The following STX17 variants were observed in gnomAD, a reference collection of about 807,000 sequenced individuals.
The protein encoded by STX17 is syntaxin-17.
In STX17, 29 loss-of-function variants were observed where a neutral mutation model predicts 35.9. The observed-to-expected ratio is 0.81, with a 90% CI of 0.60 to 1.10. STX17 has a LOEUF of 1.10. STX17 is among the 50% of genes least tolerant of loss of function. STX17 has a pLI of 0.00. For synonymous variants in STX17, 92 were observed against 118.3 expected (o/e 0.78, Z 1.44); for missense variants, 312 against 352.3 (o/e 0.89, Z 0.92).
At chr9:99,947,420 GT>G (rs567442153) in intron 3 of STX17, among the ~76,000 whole-genome samples, 1 of 152,034 alleles carries the variant, frequency 6.6e-6, no homozygotes, top group Non-Finnish European at 1.5e-5. Flanking sequence ...GGATGTTTCT[GT>G]TGCCTGTTGT....
chr9:99,937,292 T>C (rs536728502), intron 3 of STX17, among the ~76,000 whole-genome samples: 6 of 152,340 alleles, frequency 3.9e-5, no homozygotes, highest in South Asian at 2.1e-4. Flanking sequence ...TCTGGACTTA[T>C]CGTTTGCATC....
chr9:99,964,194 A>G (rs1829875380), intron 6 of STX17, among the ~76,000 whole-genome samples: 1 of 152,208 alleles, frequency 6.6e-6, no homozygotes, highest in South Asian at 2.1e-4. Flanking sequence ...AAGTGTCCCC[A>G]ACAGGCATTC....
In STX17 at chr9:99,973,227, C is replaced by A. The variant is rs536552398; in HGVS notation, c.*4554C>A. Among the ~76,000 whole-genome samples the A allele has an allele frequency of 1.0e-3, 150 of 148,446 alleles. No homozygotes were observed. The highest frequency in any genetic ancestry group is 3.5e-3 in the African/African-American group (140 of 40,322). On this transcript the variant is annotated 3_prime_UTR_variant, in exon 8 of 8. Coordinates refer to ENST00000259400, the MANE Select transcript of STX17 (RefSeq NM_017919.3). ...GCAATATTAAATTGAAAAAAAAAAA[C>A]CCATAAAAAGTGTCAAAGGCAAATA...
At chr9:99,963,679 C>T (rs1270926365) in intron 6 of STX17, among the ~76,000 whole-genome samples, 1 of 152,060 alleles carries the variant, frequency 6.6e-6, no homozygotes, top group Non-Finnish European at 1.5e-5. Context: ...CTACTTTTTC[C>T]ACCACTATTA....
chr9:99,961,410 C>T (rs10760706), intron 6 of STX17, among the ~76,000 whole-genome samples: 104,510 of 152,014 alleles, frequency 0.69, 36,204 homozygotes, highest in African/African-American at 0.72. Flanking sequence ...GAAGATGGAG[C>T]CAAAGATAAG....
At chr9:99,935,246 C>T (rs930064916) in intron 3 of STX17, among the ~76,000 whole-genome samples, 3 of 148,182 alleles carry the variant, frequency 2.0e-5, no homozygotes, top group Non-Finnish European at 4.4e-5. Flanking sequence ...AGGAGAATGG[C>T]GTGAACCCAG....
At chr9:99,957,819 A>T (rs1287355890) in intron 4 of STX17, among the ~76,000 whole-genome samples, 1 of 151,458 alleles carries the variant, frequency 6.6e-6, no homozygotes, top group Non-Finnish European at 1.5e-5. Context: ...ATGCCGGCTA[A>T]TTTTTTGTGT....
intron 3 of STX17, among the ~76,000 whole-genome samples, chr9:99,942,168 T>A (rs549921974): frequency 3.2e-4 from 48 of 152,360 alleles, no homozygotes; most frequent in African/African-American, 1.1e-3. Flanking sequence ...TTAGCTGTTC[T>A]GGTGGGTAAG....
chr9:99,972,948 C>T lies in STX17; in HGVS notation c.*4275C>T, dbSNP rs147440414. On this transcript the variant is annotated 3_prime_UTR_variant, in exon 8 of 8. Coordinates refer to ENST00000259400, the MANE Select transcript of STX17 (RefSeq NM_017919.3). The stretch of plus-strand genomic sequence containing the variant: ...ATGTTAGATGATGTTCTTAAGTAAT[C>T]AGAGGCCTAATAAAAGGCAGGGGAG... Among the ~76,000 whole-genome samples the T allele has an allele frequency of 7.2e-5, 11 of 152,190 alleles. No individual in the cohort carries two copies. In the South Asian group the frequency reaches 2.3e-3, roughly 32 times the overall value.
chr9:99,920,229 G>A (rs1828861576), intron 2 of STX17, among the ~76,000 whole-genome samples: 1 of 152,126 alleles, frequency 6.6e-6, no homozygotes, highest in South Asian at 2.1e-4. Flanking sequence ...TATACCTGAG[G>A]GAAAACCTGT....
intron 3 of STX17, among the ~76,000 whole-genome samples, chr9:99,936,546 C>T (rs368863682): frequency 6.6e-6 from 1 of 151,582 alleles, no homozygotes. Flanking sequence ...TGGCTTTTTT[C>T]CTTCTTTCAT....
intron 6 of STX17, among the ~76,000 whole-genome samples, chr9:99,963,690 T>C (rs1320287455): frequency 6.6e-6 from 1 of 152,190 alleles, no homozygotes; most frequent in Admixed American, 6.6e-5. Context: ...ACCACTATTA[T>C]CCTTAGGCAT....
At chr9:99,926,539 C>T (rs1828989663) in intron 2 of STX17, among the ~76,000 whole-genome samples, 1 of 151,672 alleles carries the variant, frequency 6.6e-6, no homozygotes. Context: ...GCTCTGTTGC[C>T]CAGGCTGGAG....
intron 3 of STX17, chr9:99,945,688 T>C (rs1340981228): frequency 5.3e-6 from 2 of 379,178 alleles, no homozygotes; most frequent in African/African-American, 4.3e-5. Flanking sequence ...GATCTTGTTT[T>C]TTTTAATTTA....
At chr9:99,929,052 T>A in intron 3 of STX17, 1 of 485,218 alleles carries the variant, frequency 2.1e-6, no homozygotes, top group Non-Finnish European at 3.7e-6. Flanking sequence ...CCAGAAATGA[T>A]ACACAGACTT....
chr9:99,961,930 G>A (rs1347753697), intron 6 of STX17, among the ~76,000 whole-genome samples: 1 of 152,114 alleles, frequency 6.6e-6, no homozygotes, highest in Non-Finnish European at 1.5e-5. Flanking sequence ...AGAGTTAAAA[G>A]TGTCTGCCCT....
At chr9:99,952,269 A>G (rs1829617401) in intron 4 of STX17, among the ~76,000 whole-genome samples, 1 of 152,236 alleles carries the variant, frequency 6.6e-6, no homozygotes, top group African/African-American at 2.4e-5. Context: ...GCCAAAAAAC[A>G]CATGAAAAAA....
intron 3 of STX17, among the ~76,000 whole-genome samples, chr9:99,942,253 AT>A: frequency 6.6e-6 from 1 of 152,180 alleles, no homozygotes; most frequent in East Asian, 1.9e-4. Context: ...AGACATGCCC[AT>A]TTAGAGTTCT....
intron 2 of STX17, among the ~76,000 whole-genome samples, chr9:99,924,467 T>C (rs1448651018): frequency 3.3e-5 from 5 of 152,124 alleles, no homozygotes; most frequent in Non-Finnish European, 7.4e-5. Context: ...TTCTAATGCA[T>C]TAGATTCAGA....
Sources: allele counts gnomAD v4.1 joint callset (sites outside exome capture counted in the v4.1 genomes callset), GRCh38; gene constraint gnomAD v4.1.1; transcripts MANE v1.5; gene names NCBI Gene and HGNC (gene_info 2026-07-23, HGNC 2026-07-21).